Variants in NCOA4 observed in about 807,000 individuals in gnomAD.
The protein encoded by NCOA4 is nuclear receptor coactivator 4, also known as 70 kDa AR-activator.
In NCOA4, 31 loss-of-function variants were observed where a neutral mutation model predicts 69.5. That is an observed-to-expected ratio of 0.45 (90% CI 0.34 to 0.60). NCOA4 has a LOEUF of 0.60. NCOA4 is among the 20% of genes least tolerant of loss of function. The pLI, the probability that NCOA4 is intolerant of heterozygous loss-of-function variation, is 0.02. For missense variants in NCOA4, 600 were observed against 719.2 expected, an observed-to-expected ratio of 0.83 and a Z score of 1.90; for synonymous variants, 228 against 252.4, an observed-to-expected ratio of 0.90 and a Z score of 0.92.
chr10:46,011,021 GT>G lies in NCOA4; in HGVS notation c.899del (p.Asp300AlafsTer6). 6.2e-7 allele frequency: 1 copy of G among 1,613,906 alleles called. No homozygotes were observed. Among genetic ancestry groups the G allele is most frequent in the Non-Finnish European group, 8.5e-7 (1 of 1,179,842 alleles). On this transcript the variant is annotated frameshift_variant, in exon 8 of 10. Transcript: ENST00000581486. LOFTEE classifies it high-confidence loss of function. ...GGGGAGTCACTAGCCAATCTGATAG[GT>G]CCATCTCATCTTGATCAGGAAGCTC... ...DQELPDQDEM[D>X]LSDWLVTPQE...
At chr10:46,007,815 C>T (rs1176678071) in intron 9 of NCOA4, among the ~76,000 whole-genome samples, 3 of 152,032 alleles carry the variant, frequency 2.0e-5, no homozygotes, top group African/African-American at 7.2e-5. Flanking sequence ...TGTTAAACTC[C>T]TTGGCTCAAG....
chr10:46,012,282 G>A (rs1839280785), intron 7 of NCOA4, among the ~76,000 whole-genome samples: 1 of 152,056 alleles, frequency 6.6e-6, no homozygotes, highest in Non-Finnish European at 1.5e-5. Flanking sequence ...TTCCTGGGAA[G>A]CCAAATTGGC....
Position 46,010,571 on chromosome 10 carries a change from A to G in NCOA4, c.1350T>C (p.Pro450=), listed in dbSNP as rs1554921040. The change falls in exon 8 of 10, where the codon CCT becomes CCC. Residue 450 remains proline, a synonymous_variant. Coordinates refer to ENST00000581486, the MANE Select transcript of NCOA4 (RefSeq NM_001145263.2). ...NGMPVEPKPE[P]EKHKDSLNMW... ...TATTCAGGGAATCTTTATGCTTCTC[A>G]GGCTCAGGTTTGGGTTCCACAGGCA... 6.2e-7 allele frequency: 1 copy of G among 1,614,050 alleles called. No homozygotes were observed. The highest frequency in any genetic ancestry group is 1.3e-5 in the African/African-American group (1 of 74,914).
rs1280217374 is a variant in NCOA4, at chr10:46,006,363, T to C, written c.*229A>G. Reference sequence around the variant, plus strand: ...AGTGTGGGGTGAATTAAAATACTTCTGTAAGAAGGAGGGAACTGAATCACC... The same window carrying C: ...AGTGTGGGGTGAATTAAAATACTTCCGTAAGAAGGAGGGAACTGAATCACC... On this transcript the variant is annotated 3_prime_UTR_variant, in exon 10 of 10. Transcript: ENST00000581486. The C allele has an allele frequency of 5.4e-5, 29 of 540,146 alleles. 1 individual carries two copies. In the Admixed American group the frequency reaches 5.9e-4, roughly 11 times the overall value. The allele number at this position is 540,146 out of a possible 1,614,324, so 33.5% of individuals were successfully genotyped here. A position where few individuals can be genotyped will look rare whatever the true frequency, so the allele number is the denominator to read the frequency against.
rs1554921343 is a variant in NCOA4, at chr10:46,011,016, G to A, written c.905C>T (p.Ser302Leu). The change falls in exon 8 of 10, where the codon TCA (serine) becomes TTA (leucine). Residue 302 changes from serine to leucine, a missense_variant. Transcript: ENST00000581486. ...TTCCTGGGGAGTCACTAGCCAATCT[G>A]ATAGGTCCATCTCATCTTGATCAGG... ...ELPDQDEMDL[S>L]DWLVTPQESH... 1.2e-6 allele frequency: 2 copies of A among 1,613,824 alleles called. No individual in the cohort carries two copies. Among genetic ancestry groups the A allele is most frequent in the East Asian group, 4.5e-5 (2 of 44,898 alleles).
rs997159625 is a variant in NCOA4, at chr10:46,014,449, T to A, written c.475A>T (p.Thr159Ser). 2 of 1,605,306 alleles carry A rather than the reference T, an allele frequency of 1.2e-6. No individual in the cohort carries two copies. Among genetic ancestry groups the A allele is most frequent in the Non-Finnish European group, 1.7e-6 (2 of 1,172,092 alleles). ...QTITTFGSLK[T>S]IQIPEHLMAH... ...AAGCATATGAGATTACTCACAATGGTTTTGAGAGACCCAAATGTGGTGATG... is the reference window on the plus strand; with the variant it reads ...AAGCATATGAGATTACTCACAATGGATTTGAGAGACCCAAATGTGGTGATG... Residue 159 changes from threonine to serine, a missense_variant, in exon 5 of 10, where the codon ACC becomes TCC. Transcript: ENST00000581486.
chr10:46,024,496 G>A (rs1840056295), intron 1 of NCOA4, among the ~76,000 whole-genome samples: 1 of 152,070 alleles, frequency 6.6e-6, no homozygotes, highest in Non-Finnish European at 1.5e-5. Flanking sequence ...ACTCCCCTAT[G>A]TATATGTTCA....
chr10:46,025,652 T>A (rs1293225522), intron 1 of NCOA4, among the ~76,000 whole-genome samples: 1 of 152,176 alleles, frequency 6.6e-6, no homozygotes, highest in Non-Finnish European at 1.5e-5. Flanking sequence ...TCTCCCTACC[T>A]ATCTGCTTTT....
At chr10:46,011,283 T>C in intron 7 of NCOA4, 77 bp from the exon 8 acceptor site, 1 of 1,427,086 alleles carries the variant, frequency 7.0e-7, no homozygotes, top group South Asian at 1.4e-5. Context: ...ACTTTTTCTT[T>C]TTTTGAGACA....
At chr10:46,020,930 G>C (rs1402185278) in intron 1 of NCOA4, among the ~76,000 whole-genome samples, 1 of 152,198 alleles carries the variant, frequency 6.6e-6, no homozygotes, top group African/African-American at 2.4e-5. Flanking sequence ...AAAAGTTTAA[G>C]TGCTTTCTAA....
chr10:46,019,442 C>T (rs1182976872), intron 1 of NCOA4: 2 of 985,288 alleles, frequency 2.0e-6, no homozygotes, highest in East Asian at 2.3e-4. Context: ...AATGTGTTAC[C>T]CAGCCTTCTT....
Position 46,006,235 on chromosome 10 carries a change from T to C in NCOA4, c.*357A>G. 2 of 324,652 alleles carry C rather than the reference T, an allele frequency of 6.2e-6. No individual in the cohort carries two copies. Among genetic ancestry groups the C allele is most frequent in the South Asian group, 6.8e-5 (1 of 14,634 alleles). 20.1% of individuals were successfully genotyped at this position (324,652 alleles called of 1,614,324 possible). On this transcript the variant is annotated 3_prime_UTR_variant, in exon 10 of 10. Coordinates refer to ENST00000581486, the MANE Select transcript of NCOA4 (RefSeq NM_001145263.2). ...TTACTAGCTTTAGAATACATCAATA[T>C]ACTTCGATAAACAAGAGTGTTTTAA... is the stretch of plus-strand genomic sequence containing the variant.
chr10:46,009,330 A>C, intron 9 of NCOA4, 81 bp downstream of exon 9: 1 of 1,534,128 alleles, frequency 6.5e-7, no homozygotes, highest in Admixed American at 1.8e-5. Context: ...CAGTGAGCCA[A>C]GTATGACTTC....
chr10:46,012,865 A>AT lies in NCOA4; in HGVS notation c.714+17dup, dbSNP rs1554922027. The AT allele has an allele frequency of 5.0e-6, 8 of 1,613,640 alleles. No individual in the cohort carries two copies. Among genetic ancestry groups the AT allele is most frequent in the Non-Finnish European group, 6.8e-6 (8 of 1,179,774 alleles). On this transcript the variant is annotated intron_variant, in intron 7 of 9. Transcript: ENST00000581486. ...TACTGCTGTGTCTACTGTAGAAACA[A>AT]TAAAAGCAGCAACAGACCTGACTGT...
chr10:46,008,500 A>G lies in NCOA4; in HGVS notation c.1839+911T>C, dbSNP rs1838985916. Among the ~76,000 whole-genome samples the G allele has an allele frequency of 2.0e-5, 3 of 152,244 alleles. No individual in the cohort carries two copies. In the South Asian group the frequency reaches 6.2e-4, roughly 31 times the overall value. Reference sequence around the variant, plus strand: ...AAGTAGAATTAGAAGTGGAGCCTGAATATGTGACTGAATTGCTGCAATCTC... The same window carrying G: ...AAGTAGAATTAGAAGTGGAGCCTGAGTATGTGACTGAATTGCTGCAATCTC... On this transcript the variant is annotated intron_variant, in intron 9 of 9. Coordinates refer to ENST00000581486, the MANE Select transcript of NCOA4 (RefSeq NM_001145263.2).
At chr10:46,020,590 G>A (rs527804659) in intron 1 of NCOA4, among the ~76,000 whole-genome samples, 1 of 152,282 alleles carries the variant, frequency 6.6e-6, no homozygotes, top group African/African-American at 2.4e-5. Context: ...GAGGAATATA[G>A]ACTCACAGAC....
chr10:46,025,349 G>A (rs2132383501), intron 1 of NCOA4, among the ~76,000 whole-genome samples: 1 of 152,240 alleles, frequency 6.6e-6, no homozygotes, highest in Non-Finnish European at 1.5e-5. Flanking sequence ...CACTGAGGGT[G>A]GATTTTCCCC....
chr10:46,010,244 C>G lies in NCOA4; in HGVS notation c.1677G>C (p.Trp559Cys). 1 of 1,606,976 alleles carries G rather than the reference C, an allele frequency of 6.2e-7. No homozygotes were observed. Among genetic ancestry groups the G allele is most frequent in the Non-Finnish European group, 8.5e-7 (1 of 1,177,786 alleles). The stretch of plus-strand genomic sequence containing the variant: ...TCACCTGGGCCTTCTTTCGAAGCAG[C>G]CACTTGTCTTCTCCAGAAGATAACT... Reference protein sequence around the residue: ...LSQLSSGEDKWLLRKKAQEVL... With the variant: ...LSQLSSGEDKCLLRKKAQEVL... Residue 559 changes from tryptophan (W) to cysteine (C), a missense_variant, in exon 8 of 10, where the codon TGG becomes TGC. Coordinates refer to ENST00000581486, the MANE Select transcript of NCOA4 (RefSeq NM_001145263.2).
intron 2 of NCOA4, 84 bp from the exon 3 acceptor site, chr10:46,015,350 TTTTGGGGGGGTGGGG>T: frequency 2.7e-6 from 2 of 733,900 alleles, no homozygotes; most frequent in Non-Finnish European, 4.2e-6. Context: ...CTAAAACTTT[TTTTGGGGGGGTGGGG>T]TTGGGGGGAC....
Sources: allele counts gnomAD v4.1 joint callset (sites outside exome capture counted in the v4.1 genomes callset), GRCh38; gene constraint gnomAD v4.1.1; transcripts MANE v1.5; gene names NCBI Gene and HGNC (gene_info 2026-07-23, HGNC 2026-07-21).